DPP6: variants seen among roughly 807,000 people sequenced by gnomAD.
DPP6 encodes A-type potassium channel modulatory protein DPP6.
Under a neutral mutation model 122.6 loss-of-function variants are expected in DPP6, and 69 were observed. That is an observed-to-expected ratio of 0.56 (90% CI 0.46 to 0.69). The LOEUF is 0.69. Ranked by LOEUF, DPP6 falls within the 30% of genes least tolerant of loss-of-function variation. The pLI, the probability that DPP6 is intolerant of heterozygous loss-of-function variation, is 0.00. For synonymous variants in DPP6, 418 were observed against 433.1 expected (o/e 0.97, Z 0.43); for missense variants, 928 against 1,116.9 (o/e 0.83, Z 2.41).
chr7:153,764,428 C>T, the DPP6 span, among the ~76,000 whole-genome samples: 4 of 151,816 alleles, frequency 2.6e-5, no homozygotes, highest in East Asian at 1.9e-4. Context: ...GCATGTTCCT[C>T]GCTCCTCCTC....
chr7:154,072,468 G>T (rs1585313368), intron 1 of DPP6, among the ~76,000 whole-genome samples: 1 of 152,290 alleles, frequency 6.6e-6, no homozygotes, highest in East Asian at 1.9e-4. Context: ...TTTGTCATGA[G>T]AAAGCTCCCT....
At chr7:154,474,673 C>T (rs1822567488) in intron 2 of DPP6, among the ~76,000 whole-genome samples, 1 of 152,196 alleles carries the variant, frequency 6.6e-6, no homozygotes, top group Admixed American at 6.5e-5. Flanking sequence ...TTATTTACCT[C>T]TGTGCTGAGA....
intron 1 of DPP6, among the ~76,000 whole-genome samples, chr7:154,369,964 G>GCATT (rs771110496): frequency 1.0e-5 from 1 of 96,758 alleles, no homozygotes; most frequent in South Asian, 3.9e-4. Context: ...GCAGATATAT[G>GCATT]CATTTATTTA....
intron 4 of DPP6, among the ~76,000 whole-genome samples, chr7:154,548,303 G>A (rs954754181): frequency 1.3e-5 from 2 of 151,934 alleles, no homozygotes; most frequent in Admixed American, 6.6e-5. Context: ...AGTGGCTCAC[G>A]CCTGTAATCC....
chr7:154,064,322 C>T (rs1802531221), intron 1 of DPP6, among the ~76,000 whole-genome samples: 1 of 152,198 alleles, frequency 6.6e-6, no homozygotes, highest in East Asian at 1.9e-4. Context: ...CCAGCAGGAC[C>T]TTTTGCACAT....
chr7:154,132,668 T>C (rs1795348316), intron 1 of DPP6, among the ~76,000 whole-genome samples: 1 of 152,122 alleles, frequency 6.6e-6, no homozygotes, highest in African/African-American at 2.4e-5. Flanking sequence ...ATCTTTCTTG[T>C]CTTCAGTGGG....
In DPP6 at chr7:154,755,147, T is replaced by TGA. The variant is rs1843598558; in HGVS notation, c.884-14270_884-14269insGA. Among the ~76,000 whole-genome samples, 2 of 80,642 alleles carry TGA rather than the reference T, an allele frequency of 2.5e-5. No individual in the cohort carries two copies. Among genetic ancestry groups the TGA allele is most frequent in the African/African-American group, 1.3e-4 (2 of 14,856 alleles). 52.9% of individuals were successfully genotyped at this position (80,642 alleles called of 152,430 possible). A position where few individuals can be genotyped will look rare whatever the true frequency, so the allele number is the denominator to read the frequency against. ...ATCCCAGAACTTAAAGTAAAATAAA[T>TGA]TAAAAAAAAAAAAAAAAGAAACTGA... On this transcript the variant is annotated intron_variant, in intron 8 of 25. Transcript: ENST00000377770. This position sits in a 1 kb window ranked among gnomAD's most constrained non-coding sequence, Gnocchi z 4.7.
At chr7:154,305,357 C>T (rs1806236339) in intron 1 of DPP6, 8 of 1,012,230 alleles carry the variant, frequency 7.9e-6, no homozygotes, top group Middle Eastern at 3.9e-4. Context: ...CTCCCCCATC[C>T]TCCCCAAAAT....
chr7:154,528,246 A>G (rs550402793), intron 3 of DPP6, among the ~76,000 whole-genome samples: 11 of 152,320 alleles, frequency 7.2e-5, no homozygotes, highest in African/African-American at 2.6e-4. Context: ...CCCATTGAGC[A>G]TGGCTTTTCA....
intron 5 of DPP6, among the ~76,000 whole-genome samples, chr7:154,574,525 TGTGTGGTGTGTATG>T (rs1476571888): frequency 1.1e-4 from 15 of 134,288 alleles, no homozygotes; most frequent in South Asian, 7.5e-4. Flanking sequence ...GTGGTGTATA[TGTGTGGTGTGTATG>T]GTGTGGTGTG....
At chr7:154,653,009 A>G (rs192150207) in intron 6 of DPP6, among the ~76,000 whole-genome samples, 2 of 152,192 alleles carry the variant, frequency 1.3e-5, no homozygotes, top group East Asian at 1.9e-4. Context: ...TTCATAAACT[A>G]CAGTGTTCCC....
At chr7:154,793,218 A>AG (rs1797800303) in intron 10 of DPP6, among the ~76,000 whole-genome samples, 1 of 152,218 alleles carries the variant, frequency 6.6e-6, no homozygotes, top group Non-Finnish European at 1.5e-5. Flanking sequence ...TAGATAGAGA[A>AG]GGGGTGAATG....
intron 5 of DPP6, among the ~76,000 whole-genome samples, chr7:154,576,849 A>G (rs1831714904): frequency 6.6e-6 from 1 of 152,122 alleles, no homozygotes. Flanking sequence ...TTTTCAGAGG[A>G]GTGGTGATTG....
At chr7:154,859,904 GAA>G (rs1285362352) in intron 17 of DPP6, among the ~76,000 whole-genome samples, 1 of 152,222 alleles carries the variant, frequency 6.6e-6, no homozygotes, top group Non-Finnish European at 1.5e-5. Flanking sequence ...GCCATGCAGA[GAA>G]AGCGTGCGTG....
intron 1 of DPP6, among the ~76,000 whole-genome samples, chr7:154,153,662 CA>C (rs940129056): frequency 6.6e-6 from 1 of 152,206 alleles, no homozygotes; most frequent in African/African-American, 2.4e-5. Flanking sequence ...CAGGGGTCAG[CA>C]AAATTCTACA....
At chr7:154,471,653 C>T (rs1440158816) in intron 2 of DPP6, among the ~76,000 whole-genome samples, 1 of 152,040 alleles carries the variant, frequency 6.6e-6, no homozygotes, top group East Asian at 1.9e-4. Flanking sequence ...ACCCAGAACA[C>T]TTGTAAGACA....
At chr7:154,488,888 C>T (rs186729287) in intron 3 of DPP6, among the ~76,000 whole-genome samples, 40 of 152,266 alleles carry the variant, frequency 2.6e-4, no homozygotes, top group African/African-American at 8.9e-4. Flanking sequence ...GACCTCATGA[C>T]GTGTTTATCT....
intron 1 of DPP6, among the ~76,000 whole-genome samples, chr7:153,998,683 G>A (rs1416244051): frequency 1.3e-5 from 2 of 152,158 alleles, no homozygotes; most frequent in East Asian, 1.9e-4. Context: ...ATAGTTTTAA[G>A]GAACAGCTCC....
chr7:154,445,524 C>G (rs1819786617), intron 1 of DPP6, among the ~76,000 whole-genome samples: 1 of 152,144 alleles, frequency 6.6e-6, no homozygotes. Flanking sequence ...TCTCCAGAGT[C>G]CCTCTCTCAC....
Sources: gnomAD v4.1 joint callset for allele counts (sites outside exome capture counted in the v4.1 genomes callset) on GRCh38, gnomAD v4.1.1 for gene constraint, Gnocchi (gnomAD v3.1) non-coding constraint, MANE v1.5 for transcripts, NCBI Gene and HGNC (gene_info 2026-07-23, HGNC 2026-07-21) for gene names.